The following DRICH1 variants were observed in gnomAD, a reference collection of about 807,000 sequenced individuals.
DRICH1 encodes aspartate rich 1.
DRICH1 carries 38 observed loss-of-function variants against 39.5 expected under a neutral mutation model. The observed-to-expected ratio is 0.96, with a 90% confidence interval of 0.74 to 1.26. The LOEUF (loss-of-function observed/expected upper bound fraction) is 1.26. Among genes scored for constraint, DRICH1 ranks in the 50% most tolerant of loss-of-function variants. The pLI is 0.00. For synonymous variants in DRICH1, 84 were observed against 99.5 expected (o/e 0.84, Z 0.93); for missense variants, 279 against 270.4 (o/e 1.03, Z -0.22).
intron 5 of DRICH1, among the ~76,000 whole-genome samples, chr22:23,619,648 G>T (rs1927595333): frequency 6.6e-6 from 1 of 152,216 alleles, no homozygotes; most frequent in Non-Finnish European, 1.5e-5. Context: ...ACACAATGGG[G>T]AAAGGAAAGC....
At chr22:23,580,964 C>T in the DRICH1 span, 1 of 152,312 alleles carries the variant, frequency 6.6e-6, no homozygotes, top group Non-Finnish European at 1.5e-5. Flanking sequence ...ACACCAACCA[C>T]CCCAGCTTCC....
chr22:23,621,749 ACTAAGAATACAAAAATTATC>A (rs1213805924), intron 4 of DRICH1, among the ~76,000 whole-genome samples: 1 of 152,156 alleles, frequency 6.6e-6, no homozygotes. Context: ...CACCGTCTCT[ACTAAGAATACAAAAATTATC>A]TGGGCATGAA....
At chr22:23,626,451 C>G (rs1340014473) in intron 1 of DRICH1, among the ~76,000 whole-genome samples, 1 of 152,182 alleles carries the variant, frequency 6.6e-6, no homozygotes, top group Non-Finnish European at 1.5e-5. Context: ...TCCAAAGGAA[C>G]AAGTCAGACT....
At position 23,625,701 on chromosome 22, in the gene DRICH1, C is replaced by A. The variant is rs1233835964; in HGVS notation, c.276+280G>T. On this transcript the variant is annotated intron_variant, in intron 2 of 11. Coordinates refer to ENST00000317749, the MANE Select transcript of DRICH1 (RefSeq NM_016449.4). ...CAACCATAAAAAAAAATACCTAAAG[C>A]CCCTACCCAACAATCGATGTGTGAC... 2.6e-5 allele frequency among the ~76,000 whole-genome samples: 4 copies of A among 152,068 alleles called. No homozygotes were observed. The South Asian group carries it at 8.3e-4, about 32-fold the overall frequency.
the DRICH1 span, among the ~76,000 whole-genome samples, chr22:23,582,101 T>C: frequency 6.7e-6 from 1 of 150,192 alleles, no homozygotes; most frequent in Non-Finnish European, 1.5e-5. Flanking sequence ...TGTCTCAGCC[T>C]CCTGAGTAGC....
At position 23,619,397 on chromosome 22, in the gene DRICH1, C is replaced by T. The variant is rs762356421; in HGVS notation, c.407-4G>A. 3.7e-5 allele frequency: 29 copies of T among 780,342 alleles called. No individual in the cohort carries two copies. The highest frequency in any genetic ancestry group is 1.5e-4 in the South Asian group (11 of 74,572). The allele number at this position is 780,342 out of a possible 1,614,324, so 48.3% of individuals were successfully genotyped here. A position where few individuals can be genotyped will look rare whatever the true frequency, so the allele number is the denominator to read the frequency against. ...CTATCAAACCGGTAACAGCCACCTG[C>T]GGAGAAATGGAAAAGTTAATCTAAG... is the stretch of plus-strand genomic sequence containing the variant. On this transcript the variant is annotated splice_region_variant and splice_polypyrimidine_tract_variant and intron_variant, in intron 5 of 11. Coordinates refer to ENST00000317749, the MANE Select transcript of DRICH1 (RefSeq NM_016449.4).
chr22:23,612,779 C>T (rs1927118382), intron 11 of DRICH1, among the ~76,000 whole-genome samples: 1 of 152,140 alleles, frequency 6.6e-6, no homozygotes, highest in Non-Finnish European at 1.5e-5. Flanking sequence ...CCGGGAGATC[C>T]CTTTAAACCA....
chr22:23,601,144 GCGCA>G, the DRICH1 span, among the ~76,000 whole-genome samples: 2 of 139,590 alleles, frequency 1.4e-5, no homozygotes, highest in African/African-American at 2.9e-5. Flanking sequence ...TAACGCACGC[GCGCA>G]CACACACACA....
intron 8 of DRICH1, among the ~76,000 whole-genome samples, chr22:23,615,706 G>A (rs1927314126): frequency 6.6e-6 from 1 of 152,144 alleles, no homozygotes; most frequent in African/African-American, 2.4e-5. Context: ...CCATGATGAT[G>A]TTAAAACAAT....
chr22:23,590,633 C>T, the DRICH1 span, among the ~76,000 whole-genome samples: 1 of 151,930 alleles, frequency 6.6e-6, no homozygotes, highest in African/African-American at 2.4e-5. Context: ...GAGTCTCGTT[C>T]TGTCACCCAG....
chr22:23,600,582 GGGCTGGTGGA>G, the DRICH1 span, among the ~76,000 whole-genome samples: 1 of 150,972 alleles, frequency 6.6e-6, no homozygotes, highest in South Asian at 2.1e-4. Context: ...TTTCCCAGCT[GGGCTGGTGGA>G]GGCTTCATTA....
At chr22:23,602,967 T>G in the DRICH1 span, among the ~76,000 whole-genome samples, 1 of 151,930 alleles carries the variant, frequency 6.6e-6, no homozygotes, top group African/African-American at 2.4e-5. Flanking sequence ...ACATTCGACA[T>G]TTAGGCTGTT....
Position 23,632,152 on chromosome 22 carries a change from G to A in DRICH1, c.-129C>T, listed in dbSNP as rs1921003236. 7 of 1,463,502 alleles carry A rather than the reference G, an allele frequency of 4.8e-6. No individual in the cohort carries two copies. The South Asian group carries it at 9.5e-5, about 20-fold the overall frequency. The allele number at this position is 1,463,502 out of a possible 1,614,324, so 90.7% of individuals were successfully genotyped here. ...GCAGCCTGACCCCAGGCAGATCTGG[G>A]TCCTCAGCCCTTATTCTGCCGCCAC... On this transcript the variant is annotated 5_prime_UTR_variant, in exon 1 of 12. Coordinates refer to ENST00000317749, the MANE Select transcript of DRICH1 (RefSeq NM_016449.4).
At chr22:23,611,527 GA>G (rs965398399) in intron 11 of DRICH1, among the ~76,000 whole-genome samples, 2 of 151,924 alleles carry the variant, frequency 1.3e-5, no homozygotes, top group African/African-American at 2.4e-5. Flanking sequence ...AAGTAGCTGG[GA>G]CTACAAGCGC....
intron 1 of DRICH1, among the ~76,000 whole-genome samples, chr22:23,630,279 G>C (rs1467670689): frequency 6.6e-6 from 1 of 152,176 alleles, no homozygotes; most frequent in African/African-American, 2.4e-5. Flanking sequence ...GAACTCCCTG[G>C]TGTGGGGTCA....
At position 23,622,095 on chromosome 22, in the gene DRICH1, GCATCATCATCAT is replaced by G. The variant is rs3831377; in HGVS notation, c.368_379del (p.Asp123_Asp126del). The G allele has an allele frequency of 6.3e-7, 1 of 1,599,438 alleles. No individual in the cohort carries two copies. The highest frequency in any genetic ancestry group is 8.6e-7 in the Non-Finnish European group (1 of 1,168,042). The stretch of plus-strand genomic sequence containing the variant: ...GACAAAGAAAGATTGTCTTACCTGG[GCATCATCATCAT>G]CATCATCATCACAGTCATCATCTTC... On this transcript the variant is annotated inframe_deletion, in exon 4 of 12. Coordinates refer to ENST00000317749, the MANE Select transcript of DRICH1 (RefSeq NM_016449.4).
the DRICH1 span, among the ~76,000 whole-genome samples, chr22:23,582,409 C>A: frequency 6.6e-6 from 1 of 151,676 alleles, no homozygotes; most frequent in African/African-American, 2.4e-5. Flanking sequence ...ATTCCTCCCT[C>A]CCCCAGCCCC....
chr22:23,629,831 T>C (rs1430882942), intron 1 of DRICH1, among the ~76,000 whole-genome samples: 1 of 152,150 alleles, frequency 6.6e-6, no homozygotes, highest in Non-Finnish European at 1.5e-5. Flanking sequence ...TTGGCCAGGC[T>C]GGTCTCAAGC....
chr22:23,610,556 T>A (rs764712493), intron 11 of DRICH1: 6 of 152,284 alleles, frequency 3.9e-5, no homozygotes, highest in African/African-American at 7.2e-5. Context: ...GCCGATCAGA[T>A]AATTGGTGAT....
Sources: allele counts gnomAD v4.1 joint callset (sites outside exome capture counted in the v4.1 genomes callset), GRCh38; gene constraint gnomAD v4.1.1; transcripts MANE v1.5; gene names NCBI Gene and HGNC (gene_info 2026-07-23, HGNC 2026-07-21).